The following MAGEC3 variants were observed in gnomAD, a reference collection of about 807,000 sequenced individuals.
The protein encoded by MAGEC3 is MAGE family member C3.
A neutral mutation model predicts 35.3 loss-of-function variants in MAGEC3; 34 were observed. The ratio of observed to expected loss-of-function variants is 0.96; its 90% confidence interval spans 0.73 to 1.28. MAGEC3 has a LOEUF of 1.28. MAGEC3 is among the 50% of genes most tolerant of loss of function. The pLI, the probability that MAGEC3 is intolerant of heterozygous loss-of-function variation, is 0.00. For missense variants in MAGEC3, 561 were observed against 483.6 expected, an observed-to-expected ratio of 1.16 and a Z score of -1.50; for synonymous variants, 202 against 185.6, an observed-to-expected ratio of 1.09 and a Z score of -0.72.
Position 141,838,692 on chromosome X carries a change from T to C in MAGEC3, c.123+254T>C, listed in dbSNP as rs917741694. On this transcript the variant is annotated intron_variant, in intron 1 of 7. Transcript: ENST00000298296. The stretch of plus-strand genomic sequence containing the variant: ...CACCTAGGCCTCAATGCCACTGGGC[T>C]CCAGGACAGTATGTAGTTCATCGGG... 11 of 752,461 alleles carry C rather than the reference T, an allele frequency of 1.5e-5. No individual in the cohort carries two copies. The African/African-American group carries it at 2.5e-4, about 17-fold the overall frequency. The allele number at this position is 752,461 out of a possible 1,213,427, so 62.0% of individuals were successfully genotyped here. A position where few individuals can be genotyped will look rare whatever the true frequency, so the allele number is the denominator to read the frequency against.
Position 141,861,133 on chromosome X carries a change from A to G in MAGEC3, c.124-4338A>G, listed in dbSNP as rs373483484. On this transcript the variant is annotated intron_variant, in intron 1 of 7. Transcript: ENST00000298296. The stretch of plus-strand genomic sequence containing the variant: ...ATGCCTTGGATAGATATGATGAGCA[A>G]AGATGTCTATTGATTTTGGTATGTC... Among the ~76,000 whole-genome samples, 260 of 111,313 alleles carry G rather than the reference A, an allele frequency of 2.3e-3. 1 individual carries two copies. Among genetic ancestry groups the G allele is most frequent in the African/African-American group, 8.2e-3 (252 of 30,662 alleles).
In MAGEC3 at chrX:141,892,001, T is replaced by A. The variant is rs772095394; in HGVS notation, c.910-3268T>A. On this transcript the variant is annotated intron_variant, in intron 4 of 7. Transcript: ENST00000298296. ...GGACATAGAGATATGAGTAGAAGGA[T>A]GATAATGTCAGCATACTTGGACTGA... Among the ~76,000 whole-genome samples, 70 of 110,372 alleles carry A rather than the reference T, an allele frequency of 6.3e-4. 1 individual carries two copies. Among genetic ancestry groups the A allele is most frequent in the African/African-American group, 2.1e-3 (63 of 30,410 alleles).
rs1194808808 is a variant in MAGEC3, at chrX:141,867,897, C to T, written c.258+2292C>T. Among the ~76,000 whole-genome samples the T allele has an allele frequency of 8.9e-5, 10 of 111,798 alleles. No individual in the cohort carries two copies. In the East Asian group the frequency reaches 1.4e-3, roughly 16 times the overall value. On this transcript the variant is annotated intron_variant, in intron 2 of 7. Coordinates refer to ENST00000298296, the MANE Select transcript of MAGEC3 (RefSeq NM_138702.1). ...CAGCACTTTGGGAGGCCAAGGCGGGCGGATCATGAGGTCAGGAGATCCAGA... is the reference window on the plus strand; with the variant it reads ...CAGCACTTTGGGAGGCCAAGGCGGGTGGATCATGAGGTCAGGAGATCCAGA...
chrX:141,872,109 A>T (rs2017892114), intron 2 of MAGEC3, among the ~76,000 whole-genome samples: 1 of 110,906 alleles, frequency 9.0e-6, no homozygotes, highest in Non-Finnish European at 1.9e-5. Context: ...TTAAGGTAAA[A>T]ATAAAAAAGG....
chrX:141,868,172 G>T (rs191901342), intron 2 of MAGEC3, among the ~76,000 whole-genome samples: 8 of 111,073 alleles, frequency 7.2e-5, no homozygotes, highest in African/African-American at 2.6e-4. Context: ...GGTGAGGTAG[G>T]GGTGAGATTG....
intron 4 of MAGEC3, among the ~76,000 whole-genome samples, chrX:141,882,783 G>T (rs1265301809): frequency 8.9e-6 from 1 of 112,044 alleles, no homozygotes; most frequent in Non-Finnish European, 1.9e-5. Flanking sequence ...TAAAACAATA[G>T]AGTCTAGGAG....
intron 3 of MAGEC3, chrX:141,880,660 C>A (rs906815452): frequency 9.4e-6 from 4 of 423,981 alleles, no homozygotes; most frequent in Admixed American, 7.9e-5. Flanking sequence ...CAGAGCAGAC[C>A]TGGCAGCACC....
intron 1 of MAGEC3, among the ~76,000 whole-genome samples, chrX:141,851,974 A>T (rs1047886601): frequency 9.9e-5 from 11 of 110,731 alleles, no homozygotes; most frequent in African/African-American, 2.9e-4. Flanking sequence ...TTTCTGCAAA[A>T]ATTGACAGTT....
intron 2 of MAGEC3, among the ~76,000 whole-genome samples, chrX:141,876,530 G>C (rs1044966472): frequency 9.0e-6 from 1 of 111,604 alleles, no homozygotes; most frequent in African/African-American, 3.3e-5. Context: ...AAAGACCCCA[G>C]CCTCTTTCAG....
chrX:141,863,346 C>T (rs2017827168), intron 1 of MAGEC3, among the ~76,000 whole-genome samples: 1 of 111,040 alleles, frequency 9.0e-6, no homozygotes, highest in Admixed American at 9.6e-5. Context: ...AGATGGGACA[C>T]AGGGGCATTT....
At chrX:141,891,670 T>C (rs1198934255) in intron 4 of MAGEC3, among the ~76,000 whole-genome samples, 2 of 104,840 alleles carry the variant, frequency 1.9e-5, no homozygotes, top group Non-Finnish European at 3.9e-5. Flanking sequence ...TGTGTGTATA[T>C]ATATATGCAT....
At chrX:141,879,643 A>G (rs919882259) in intron 3 of MAGEC3, among the ~76,000 whole-genome samples, 1 of 110,356 alleles carries the variant, frequency 9.1e-6, no homozygotes, top group Non-Finnish European at 1.9e-5. Context: ...TGGTTCCTCC[A>G]TAGAGAGGAG....
At chrX:141,859,928 A>G (rs1407371800) in intron 1 of MAGEC3, among the ~76,000 whole-genome samples, 2 of 112,179 alleles carry the variant, frequency 1.8e-5, no homozygotes. Context: ...ACATGAAAAG[A>G]CAAAGCTCAA....
chrX:141,848,505 C>T (rs891892850), intron 1 of MAGEC3, among the ~76,000 whole-genome samples: 2 of 110,348 alleles, frequency 1.8e-5, no homozygotes, highest in Non-Finnish European at 3.8e-5. Context: ...GAGAGTCAAA[C>T]GAAGAACACA....
chrX:141,847,447 T>A (rs1375587144), intron 1 of MAGEC3, among the ~76,000 whole-genome samples: 1 of 111,398 alleles, frequency 9.0e-6, no homozygotes, highest in Non-Finnish European at 1.9e-5. Flanking sequence ...CCAGTCATAG[T>A]TATAGATATC....
chrX:141,839,354 C>T (rs987547865), intron 1 of MAGEC3: 2 of 709,777 alleles, frequency 2.8e-6, no homozygotes, highest in African/African-American at 4.7e-5. Flanking sequence ...TTCATGGTTT[C>T]CAAGAAATAA....
In MAGEC3 at chrX:141,895,293, G is replaced by A. The variant is rs1407402119; in HGVS notation, c.934G>A (p.Ala312Thr). The A allele has an allele frequency of 1.7e-6, 2 of 1,210,958 alleles. No homozygotes were observed. Among genetic ancestry groups the A allele is most frequent in the Non-Finnish European group, 2.2e-6 (2 of 895,178 alleles). Reference protein sequence around the residue: ...IGPWSALAGFADVLSRLALWE... With the variant: ...IGPWSALAGFTDVLSRLALWE... Reference sequence around the variant, plus strand: ...GCCCTGGTCAGCCTTGGCAGGGTTCGCGGATGTGCTTTCCCGACTTGCACT... The same window carrying A: ...GCCCTGGTCAGCCTTGGCAGGGTTCACGGATGTGCTTTCCCGACTTGCACT... The change falls in exon 5 of 8, where the codon GCG becomes ACG. Residue 312 changes from alanine to threonine, a missense_variant. Physicochemically the swap from Ala to Thr is moderately conservative, Grantham distance 58 (BLOSUM62 0). Coordinates refer to ENST00000298296, the MANE Select transcript of MAGEC3 (RefSeq NM_138702.1).
chrX:141,868,104 C>T (rs1603064682), intron 2 of MAGEC3, among the ~76,000 whole-genome samples: 1 of 107,477 alleles, frequency 9.3e-6, no homozygotes, highest in African/African-American at 3.4e-5. Flanking sequence ...GCCTGGGCGA[C>T]AGAGCGAGAC....
intron 2 of MAGEC3, among the ~76,000 whole-genome samples, chrX:141,868,765 G>T (rs1045108932): frequency 3.6e-5 from 4 of 110,971 alleles, no homozygotes; most frequent in Admixed American, 1.9e-4. Context: ...TAGAAACTCT[G>T]TACAGGGACT....
Sources: gnomAD v4.1 joint callset for allele counts (sites outside exome capture counted in the v4.1 genomes callset) on GRCh38, gnomAD v4.1.1 for gene constraint, MANE v1.5 for transcripts, NCBI Gene and HGNC (gene_info 2026-07-23, HGNC 2026-07-21) for gene names.